Variants in HS3ST5 observed in about 807,000 individuals in gnomAD.
HS3ST5 encodes heparan sulfate-glucosamine 3-sulfotransferase 5.
HS3ST5 carries 10 observed loss-of-function variants against 25.4 expected under a neutral mutation model. The ratio of observed to expected loss-of-function variants is 0.39; its 90% confidence interval spans 0.24 to 0.67. HS3ST5 has a LOEUF of 0.67. Ranked by LOEUF, HS3ST5 falls within the 30% of genes least tolerant of loss-of-function variation. HS3ST5 has a pLI of 0.44. For missense variants in HS3ST5, 324 were observed against 420.7 expected (o/e 0.77, Z 2.01); for synonymous variants, 170 against 162.4 (o/e 1.05, Z -0.36).
At chr6:114,114,234 T>C (rs1776407897) in intron 3 of HS3ST5, among the ~76,000 whole-genome samples, 1 of 152,262 alleles carries the variant, frequency 6.6e-6, no homozygotes, top group African/African-American at 2.4e-5. Flanking sequence ...ACTGATGTAT[T>C]TTCTATGGAG....
At chr6:114,231,061 C>CTGGA (rs760227263) in intron 1 of HS3ST5, among the ~76,000 whole-genome samples, 5 of 152,012 alleles carry the variant, frequency 3.3e-5, no homozygotes, top group Admixed American at 6.6e-5. Context: ...TGGGAGGTGA[C>CTGGA]TGGATCATGG....
intron 3 of HS3ST5, among the ~76,000 whole-genome samples, chr6:114,097,709 A>G (rs75617165): frequency 7.9e-5 from 12 of 151,700 alleles, no homozygotes; most frequent in Non-Finnish European, 1.3e-4. Context: ...GAATGAGAAA[A>G]GAAGGTAATT....
chr6:114,308,002 A>G (rs908237156), intron 1 of HS3ST5, among the ~76,000 whole-genome samples: 8 of 152,166 alleles, frequency 5.3e-5, no homozygotes, highest in African/African-American at 1.9e-4. Flanking sequence ...TGCTTTAGGA[A>G]GCAGATAACA....
At chr6:114,174,995 G>GA (rs1172140370) in intron 2 of HS3ST5, among the ~76,000 whole-genome samples, 2 of 151,890 alleles carry the variant, frequency 1.3e-5, no homozygotes, top group Non-Finnish European at 2.9e-5. Flanking sequence ...GTCAAAAAAA[G>GA]AAAAAAGAAA....
intron 3 of HS3ST5, among the ~76,000 whole-genome samples, chr6:114,133,835 G>A (rs931336334): frequency 6.6e-6 from 1 of 152,048 alleles, no homozygotes; most frequent in African/African-American, 2.4e-5. Flanking sequence ...GTTCAGGACA[G>A]TTTCCAGGGA....
At chr6:114,282,481 C>A (rs1482993588) in intron 1 of HS3ST5, among the ~76,000 whole-genome samples, 4 of 151,958 alleles carry the variant, frequency 2.6e-5, no homozygotes, top group African/African-American at 9.7e-5. Context: ...GGCTATTAGG[C>A]CATGTCCAAT....
At chr6:114,091,756 C>T (rs928911203) in intron 3 of HS3ST5, among the ~76,000 whole-genome samples, 1 of 152,082 alleles carries the variant, frequency 6.6e-6, no homozygotes, top group Non-Finnish European at 1.5e-5. Context: ...CCTTTCCCAA[C>T]AAAGAAAGCG....
At chr6:114,124,385 C>A (rs1776936361) in intron 3 of HS3ST5, among the ~76,000 whole-genome samples, 1 of 152,148 alleles carries the variant, frequency 6.6e-6, no homozygotes, top group African/African-American at 2.4e-5. Context: ...TTATCAATTT[C>A]TTTCATTTCT....
chr6:114,285,542 G>A (rs149063212), intron 1 of HS3ST5, among the ~76,000 whole-genome samples: 37 of 152,156 alleles, frequency 2.4e-4, no homozygotes, highest in East Asian at 3.9e-4. Context: ...AATGAACCTT[G>A]AAGACATTGT....
chr6:114,072,296 GAA>G (rs145044165), intron 3 of HS3ST5, among the ~76,000 whole-genome samples: 1 of 148,952 alleles, frequency 6.7e-6, no homozygotes. Flanking sequence ...TTTTAAGAAA[GAA>G]AAAAAAAATT....
At chr6:114,256,410 C>T (rs1043060377) in intron 1 of HS3ST5, among the ~76,000 whole-genome samples, 1 of 148,594 alleles carries the variant, frequency 6.7e-6, no homozygotes, top group Non-Finnish European at 1.5e-5. Flanking sequence ...CAAAAAAAAA[C>T]AAACTGAATG....
At chr6:114,199,138 T>C (rs1469181965) in intron 2 of HS3ST5, among the ~76,000 whole-genome samples, 1 of 152,112 alleles carries the variant, frequency 6.6e-6, no homozygotes, top group East Asian at 1.9e-4. Context: ...AGTGATAAAA[T>C]AGAAATATAT....
At chr6:114,091,935 CA>C (rs1397623718) in intron 3 of HS3ST5, among the ~76,000 whole-genome samples, 2 of 152,130 alleles carry the variant, frequency 1.3e-5, no homozygotes, top group Non-Finnish European at 2.9e-5. Context: ...CATTTGCTGG[CA>C]ATGCTGTCTG....
At chr6:114,125,238 T>G (rs923482825) in intron 3 of HS3ST5, among the ~76,000 whole-genome samples, 11 of 152,226 alleles carry the variant, frequency 7.2e-5, no homozygotes, top group Non-Finnish European at 1.0e-4. Context: ...ATCTAACATA[T>G]GCCTTTCAAT....
In HS3ST5 at chr6:114,057,466, T is replaced by C. The variant is rs762367638; in HGVS notation, c.832A>G (p.Arg278Gly). ...AAGTATAAATTGTATTGACTTATCC[T>C]TGGAGGCAGATTTAGGAACTTCTCC... The part of the protein sequence containing the change: ...LVEKFLNLPP[R>G]ISQYNLYFNA... Residue 278 changes from arginine to glycine, a missense_variant, in exon 5 of 5, where the codon AGG becomes GGG. Physicochemically the swap from Arg to Gly is moderately radical, Grantham distance 125. This residue lies in a region of HS3ST5 where 203 missense variants were observed against 303.4 expected (regional missense o/e 0.67). Coordinates refer to ENST00000312719, the MANE Select transcript of HS3ST5 (RefSeq NM_153612.4). The C allele has an allele frequency of 8.1e-6, 13 of 1,614,042 alleles. No individual in the cohort carries two copies. In the African/African-American group the frequency reaches 1.7e-4, roughly 22 times the overall value.
intron 3 of HS3ST5, among the ~76,000 whole-genome samples, chr6:114,071,158 G>A (rs1773798156): frequency 6.6e-6 from 1 of 152,200 alleles, no homozygotes; most frequent in Admixed American, 6.5e-5. Context: ...TTGCTTCAGG[G>A]CCTTTCTTCT....
At chr6:114,183,074 T>C (rs1315775000) in intron 2 of HS3ST5, among the ~76,000 whole-genome samples, 1 of 152,144 alleles carries the variant, frequency 6.6e-6, no homozygotes, top group Non-Finnish European at 1.5e-5. Context: ...TGGGATTACA[T>C]CACTGGCTTT....
At chr6:114,235,196 A>G (rs984902325) in intron 1 of HS3ST5, among the ~76,000 whole-genome samples, 2 of 152,188 alleles carry the variant, frequency 1.3e-5, no homozygotes, top group African/African-American at 4.8e-5. Flanking sequence ...TTGCTCATTT[A>G]TATATACTTT....
At chr6:114,181,439 AG>A (rs1380147361) in intron 2 of HS3ST5, among the ~76,000 whole-genome samples, 1 of 152,246 alleles carries the variant, frequency 6.6e-6, no homozygotes, top group East Asian at 1.9e-4. Context: ...CCTGTTCTGA[AG>A]AGACAATGAA....
Sources: gnomAD v4.1 joint callset for allele counts (sites outside exome capture counted in the v4.1 genomes callset) on GRCh38, gnomAD v4.1.1 for gene constraint, gnomAD v4.1.1 regional missense constraint, MANE v1.5 for transcripts, NCBI Gene and HGNC (gene_info 2026-07-23, HGNC 2026-07-21) for gene names.